The following ARMC8 variants were observed in gnomAD, a reference collection of about 807,000 sequenced individuals.
The protein encoded by ARMC8 is armadillo repeat containing 8.
ARMC8 carries 20 observed loss-of-function variants against 99.3 expected under a neutral mutation model. That is an observed-to-expected ratio of 0.20 (90% CI 0.14 to 0.29). The LOEUF is 0.29. Ranked by LOEUF, ARMC8 falls within the 10% of genes least tolerant of loss-of-function variation. ARMC8 has a pLI of 1.00. For missense variants in ARMC8, 569 were observed against 809.5 expected, an observed-to-expected ratio of 0.70 and a Z score of 3.60; for synonymous variants, 263 against 278.3, an observed-to-expected ratio of 0.95 and a Z score of 0.55.
chr3:138,193,312 G>A (rs1479590811), intron 1 of ARMC8, among the ~76,000 whole-genome samples: 1 of 151,902 alleles, frequency 6.6e-6, no homozygotes, highest in Non-Finnish European at 1.5e-5. Context: ...CCGGGCTGGA[G>A]TGCAGTGGTG....
At chr3:138,239,288 A>G (rs1438386224) in intron 9 of ARMC8, 180 bp from the exon 10 acceptor site, 46 of 521,012 alleles carry the variant, frequency 8.8e-5, no homozygotes, top group South Asian at 8.1e-5. Context: ...TTTGTCAGTT[A>G]GTTTTCTTTG....
intron 16 of ARMC8, among the ~76,000 whole-genome samples, 163 bp from the exon 17 acceptor site, chr3:138,272,804 A>G (rs2048918584): frequency 6.6e-6 from 1 of 152,210 alleles, no homozygotes; most frequent in African/African-American, 2.4e-5. Context: ...CCCGGGAGGC[A>G]GAGGTTGCAG....
intron 18 of ARMC8, among the ~76,000 whole-genome samples, chr3:138,283,545 TC>T (rs767718130): frequency 4.7e-4 from 72 of 152,346 alleles, no homozygotes; most frequent in Non-Finnish European, 9.3e-4. Flanking sequence ...TGTTTTTTTT[TC>T]CTGCCTCATC....
intron 18 of ARMC8, among the ~76,000 whole-genome samples, chr3:138,275,206 T>C (rs1030504042): frequency 6.6e-6 from 1 of 152,248 alleles, no homozygotes; most frequent in Admixed American, 6.5e-5. Context: ...CCAGAGATAC[T>C]GGCGATCTTC....
Position 138,237,533 on chromosome 3 carries a change from G to GTAT in ARMC8, c.737_738insTAT (p.Arg246delinsSerMet). 1 of 1,613,714 alleles carries GTAT rather than the reference G, an allele frequency of 6.2e-7. No individual in the cohort carries two copies. On this transcript the variant is annotated protein_altering_variant, in exon 9 of 22. Transcript: ENST00000469044. ...CAGATTTTTGTGAAGATGTTACAGAGGGATAAGCCTATTGAGATGCAGCTC... is the reference window on the plus strand; with the variant it reads ...CAGATTTTTGTGAAGATGTTACAGAGTATGGATAAGCCTATTGAGATGCAGCTC...
chr3:138,196,697 T>C (rs2043754727), intron 1 of ARMC8, among the ~76,000 whole-genome samples: 1 of 151,858 alleles, frequency 6.6e-6, no homozygotes, highest in South Asian at 2.1e-4. Context: ...AAACCCCGTT[T>C]CTACTAAAAA....
chr3:138,272,208 T>C (rs2048866684), intron 16 of ARMC8, among the ~76,000 whole-genome samples: 1 of 152,218 alleles, frequency 6.6e-6, no homozygotes. Context: ...CATAGTATTG[T>C]GAACACAAGA....
chr3:138,229,156 A>ATATATATATG (rs2045871367), intron 6 of ARMC8, 146 bp downstream of exon 6: 1 of 64,670 alleles, frequency 1.5e-5, no homozygotes, highest in Admixed American at 1.5e-4. Context: ...ATATATATAT[A>ATATATATATG]TATATATATA....
At chr3:138,228,058 C>T (rs1404355488) in intron 5 of ARMC8, among the ~76,000 whole-genome samples, 6 of 152,260 alleles carry the variant, frequency 3.9e-5, no homozygotes. Context: ...AATCTCACTG[C>T]AACCTCCGCC....
intron 19 of ARMC8, 133 bp from the exon 20 acceptor site, chr3:138,288,915 G>T: frequency 1.5e-6 from 1 of 661,056 alleles, no homozygotes; most frequent in South Asian, 1.9e-5. Flanking sequence ...GGGATTACAG[G>T]CATGAGCCAC....
At chr3:138,244,565 A>G (rs1232443739) in intron 11 of ARMC8, among the ~76,000 whole-genome samples, 2 of 152,334 alleles carry the variant, frequency 1.3e-5, no homozygotes, top group African/African-American at 2.4e-5. Context: ...GGCGTGAGCC[A>G]CCGCGCCCGG....
At chr3:138,285,437 G>T (rs916033957) in intron 19 of ARMC8, among the ~76,000 whole-genome samples, 2 of 152,056 alleles carry the variant, frequency 1.3e-5, no homozygotes, top group Admixed American at 6.6e-5. Context: ...CTCTTCCTTT[G>T]TTCACTACAC....
intron 1 of ARMC8, among the ~76,000 whole-genome samples, chr3:138,207,827 T>C (rs2044461331): frequency 6.6e-6 from 1 of 152,224 alleles, no homozygotes; most frequent in African/African-American, 2.4e-5. Flanking sequence ...TGAGAGTCCT[T>C]CTAACTCTGT....
In ARMC8 at chr3:138,187,361, C is replaced by A; in HGVS notation, c.-194C>A. ...GTTTCTGAGAGAACGATTCGTAGGA[C>A]AGCCCCTGACGCCATTCCCTTTTGC... On this transcript the variant is annotated 5_prime_UTR_variant, in exon 1 of 22. Coordinates refer to ENST00000469044, the MANE Select transcript of ARMC8 (RefSeq NM_001363941.2). 1.8e-6 allele frequency: 1 copy of A among 560,200 alleles called. No individual in the cohort carries two copies. Among genetic ancestry groups the A allele is most frequent in the East Asian group, 3.1e-5 (1 of 32,386 alleles). The allele number at this position is 560,200 out of a possible 1,614,324, so 34.7% of individuals were successfully genotyped here. A position where few individuals can be genotyped will look rare whatever the true frequency, so the allele number is the denominator to read the frequency against.
At position 138,221,930 on chromosome 3, in the gene ARMC8, A is replaced by C. The variant is rs761773944; in HGVS notation, c.127A>C (p.Met43Leu). The change falls in exon 3 of 22, where the codon ATG becomes CTG. Residue 43 changes from methionine (M) to leucine (L), a missense_variant. By Grantham distance (15) the Met-to-Leu change is conservative. This residue lies in a region of ARMC8 where 342 missense variants were observed against 391.6 expected (regional missense o/e 0.87). Coordinates refer to ENST00000469044, the MANE Select transcript of ARMC8 (RefSeq NM_001363941.2). ...PQKVLQGVID[M>L]KNAVIGNNKQ... ...TTTTTCTTCCCCTTAATTCAGAGAC[A>C]TGAAAAATGCTGTAATTGGAAACAA... 1.2e-6 allele frequency: 2 copies of C among 1,612,554 alleles called. No homozygotes were observed. Among genetic ancestry groups the C allele is most frequent in the East Asian group, 2.2e-5 (1 of 44,812 alleles).
In ARMC8 at chr3:138,296,551, GAAA is replaced by G. The variant is rs201583111; in HGVS notation, c.*666_*668del. 1.3e-5 allele frequency: 2 copies of G among 149,706 alleles called. No individual in the cohort carries two copies. Among genetic ancestry groups the G allele is most frequent in the Admixed American group, 1.3e-4 (2 of 15,036 alleles). 9.3% of individuals were successfully genotyped at this position (149,706 alleles called of 1,614,324 possible). A position where few individuals can be genotyped will look rare whatever the true frequency, so the allele number is the denominator to read the frequency against. On this transcript the variant is annotated 3_prime_UTR_variant, in exon 22 of 22. Coordinates refer to ENST00000469044, the MANE Select transcript of ARMC8 (RefSeq NM_001363941.2). ...TAGATTTTCTTTATATAAAAAAAAA[GAAA>G]AAAAAAGAAAAAGTTGGCTATAGTT... is the stretch of plus-strand genomic sequence containing the variant.
At chr3:138,200,014 T>C (rs1453870796) in intron 1 of ARMC8, among the ~76,000 whole-genome samples, 1 of 152,220 alleles carries the variant, frequency 6.6e-6, no homozygotes, top group Non-Finnish European at 1.5e-5. Context: ...TGTTTCAGTT[T>C]GTGGTTTCCC....
chr3:138,289,822 G>A (rs886441533), intron 20 of ARMC8, among the ~76,000 whole-genome samples: 4 of 152,124 alleles, frequency 2.6e-5, no homozygotes, highest in Admixed American at 2.6e-4. Context: ...AGATTTCTGG[G>A]CCCCATCCCT....
intron 12 of ARMC8, among the ~76,000 whole-genome samples, chr3:138,258,800 C>A (rs2047525882): frequency 6.6e-6 from 1 of 152,184 alleles, no homozygotes; most frequent in African/African-American, 2.4e-5. Context: ...TTTTGTGTTA[C>A]TTAATTCTGT....
Sources: gnomAD v4.1 joint callset for allele counts (sites outside exome capture counted in the v4.1 genomes callset) on GRCh38, gnomAD v4.1.1 for gene constraint, gnomAD v4.1.1 regional missense constraint, MANE v1.5 for transcripts, NCBI Gene and HGNC (gene_info 2026-07-23, HGNC 2026-07-21) for gene names.